The following BAZ2A variants were observed in gnomAD, a reference collection of about 807,000 sequenced individuals.
BAZ2A encodes bromodomain adjacent to zinc finger domain protein 2A.
In BAZ2A, 34 loss-of-function variants were observed where a neutral mutation model predicts 199.9. The ratio of observed to expected loss-of-function variants is 0.17; its 90% CI spans 0.13 to 0.23. The LOEUF (loss-of-function observed/expected upper bound fraction) is 0.23, where lower values mean the gene tolerates loss of function less well. BAZ2A is among the 10% of genes least tolerant of loss of function. The probability of loss-of-function intolerance (pLI) is 1.00; values close to 1 mark genes in which losing one functional copy is unlikely to be tolerated. For missense variants in BAZ2A, 2,002 were observed against 2,391.1 expected, an observed-to-expected ratio of 0.84 and a Z score of 3.39; for synonymous variants, 857 against 883.9, an observed-to-expected ratio of 0.97 and a Z score of 0.54.
rs1162125876 is a variant in BAZ2A, at chr12:56,605,981, T to A, written c.2342A>T (p.Lys781Met). The A allele has an allele frequency of 6.4e-7, 1 of 1,552,664 alleles. No homozygotes were observed. ...KREKKEKVKM[K>M]EKEEVTKAKP... The stretch of plus-strand genomic sequence containing the variant: ...GGCTTTGGTCACCTCCTCCTTTTCC[T>A]TCATTTTTACCTTCTCCTTCTTTTC... The change falls in exon 13 of 29, where the codon AAG becomes ATG. Residue 781 changes from lysine (K) to methionine (M), a missense_variant. Coordinates refer to ENST00000549884, the MANE Select transcript of BAZ2A (RefSeq NM_001300905.2).
Position 56,615,606 on chromosome 12 carries a change from A to C in BAZ2A, c.138T>G (p.Ser46Arg). The change falls in exon 3 of 29, where the codon AGT becomes AGG. Residue 46 changes from serine (S) to arginine (R), a missense_variant and splice_region_variant. Physicochemically the swap from Ser to Arg is moderately radical, Grantham distance 110. Coordinates refer to ENST00000549884, the MANE Select transcript of BAZ2A (RefSeq NM_001300905.2). Reference protein sequence around the residue: ...SPMNFPQQGKSLNGDVNVNGL... With the variant: ...SPMNFPQQGKRLNGDVNVNGL... ...CATTAACATTCACATCCCCATTCAA[A>C]CCTGGCAGAGAAAGAAAGAAAAGGT... is the stretch of plus-strand genomic sequence containing the variant. 6.3e-7 allele frequency: 1 copy of C among 1,584,448 alleles called. No homozygotes were observed. Among genetic ancestry groups the C allele is most frequent in the Non-Finnish European group, 8.6e-7 (1 of 1,163,198 alleles).
chr12:56,617,245 A>G, intron 2 of BAZ2A, 150 bp downstream of exon 2: 3 of 988,954 alleles, frequency 3.0e-6, no homozygotes, highest in East Asian at 6.4e-5. Flanking sequence ...CCTTAAATCA[A>G]TACAAAAAAT....
rs1479798526 is a variant in BAZ2A, at chr12:56,604,648, T to G, written c.2900A>C (p.Gln967Pro). 2 of 1,609,500 alleles carry G rather than the reference T, an allele frequency of 1.2e-6. No individual in the cohort carries two copies. Among genetic ancestry groups the G allele is most frequent in the African/African-American group, 2.7e-5 (2 of 74,874 alleles). Reference protein sequence around the residue: ...RTQPFQAQPPQQKAAVLAFLV... With the variant: ...RTQPFQAQPPPQKAAVLAFLV... ...GAAGGCCAGGACAGCAGCCTTCTGC[T>G]GGGGTGGCTGGGCCTGAAAAGGCTG... Residue 967 changes from glutamine (Q) to proline (P), a missense_variant, in exon 15 of 29, where the codon CAG (glutamine) becomes CCG (proline). By Grantham distance (76) the Gln-to-Pro change is moderately conservative. Around this residue, in one of 6 missense-constraint regions of BAZ2A, gnomAD observed 1,081 missense variants for 1,274.7 expected, o/e 0.85. Transcript: ENST00000549884.
intron 15 of BAZ2A, 143 bp from the exon 16 acceptor site, chr12:56,604,434 G>A: frequency 2.3e-6 from 3 of 1,288,296 alleles, no homozygotes; most frequent in Non-Finnish European, 3.2e-6. Context: ...GCTCTCCCAG[G>A]GAGGGCACTG....
At chr12:56,635,060 A>G (rs1045813818), upstream of BAZ2A, 1 of 983,548 alleles carries the variant, frequency 1.0e-6, no homozygotes. The surrounding 1 kb of genome is among the most constrained non-coding windows in gnomAD (Gnocchi z 4.1). Flanking sequence ...GGAGGGGAGG[A>G]GGTGGTGCTT....
intron 7 of BAZ2A, chr12:56,611,283 T>G: frequency 2.0e-6 from 1 of 504,696 alleles, no homozygotes; most frequent in Non-Finnish European, 3.5e-6. Context: ...CCAGCTGGTT[T>G]GGATGTGAGC....
intron 16 of BAZ2A, among the ~76,000 whole-genome samples, 165 bp from the exon 17 acceptor site, chr12:56,603,865 C>A (rs1289813544): frequency 2.0e-5 from 3 of 152,074 alleles, no homozygotes; most frequent in African/African-American, 7.2e-5. Context: ...ATACAAAAAT[C>A]AGCCAGGTGT....
Position 56,613,219 on chromosome 12 carries a change from C to T in BAZ2A, c.931G>A (p.Gly311Arg). Residue 311 changes from glycine to arginine, a missense_variant, in exon 5 of 29, where the codon GGA becomes AGA. Gly to Arg is a moderately radical substitution (Grantham distance 125). Coordinates refer to ENST00000549884, the MANE Select transcript of BAZ2A (RefSeq NM_001300905.2). Reference protein sequence around the residue: ...NSLAPEPVSGGLYGIDDTELM... With the variant: ...NSLAPEPVSGRLYGIDDTELM... Reference sequence around the variant, plus strand: ...TCCGTGTCATCAATACCATATAGTCCTCCACTCACTGGCTCTGTTTACAAG... The same window carrying T: ...TCCGTGTCATCAATACCATATAGTCTTCCACTCACTGGCTCTGTTTACAAG... 6.2e-7 allele frequency: 1 copy of T among 1,614,010 alleles called. No homozygotes were observed. Among genetic ancestry groups the T allele is most frequent in the Non-Finnish European group, 8.5e-7 (1 of 1,179,892 alleles).
At chr12:56,603,106 A>T (rs924912725) in intron 18 of BAZ2A, among the ~76,000 whole-genome samples, 2 of 152,154 alleles carry the variant, frequency 1.3e-5, no homozygotes, top group African/African-American at 2.4e-5. Flanking sequence ...TAACATATGG[A>T]AACTGTCTCT....
upstream of BAZ2A, chr12:56,630,337 C>T (rs1951272057): frequency 4.2e-6 from 4 of 956,186 alleles, no homozygotes; most frequent in Non-Finnish European, 5.0e-6. Context: ...GAGTCGGAGC[C>T]GGAGGGGGCG....
chr12:56,611,454 A>G (rs926378209), intron 7 of BAZ2A, 119 bp downstream of exon 7: 9 of 992,332 alleles, frequency 9.1e-6, no homozygotes, highest in African/African-American at 3.2e-5. Context: ...CTGTCCTGTA[A>G]TCTACTCTTG....
Position 56,604,672 on chromosome 12 carries a change from T to C in BAZ2A, c.2876A>G (p.Gln959Arg), listed in dbSNP as rs1950287983. The C allele has an allele frequency of 6.2e-7, 1 of 1,612,378 alleles. No individual in the cohort carries two copies. Among genetic ancestry groups the C allele is most frequent in the South Asian group, 1.1e-5 (1 of 90,582 alleles). The change falls in exon 15 of 29, where the codon CAG (glutamine) becomes CGG (arginine). Residue 959 changes from glutamine to arginine, a missense_variant. Around this residue, in one of 6 missense-constraint regions of BAZ2A, gnomAD observed 1,081 missense variants for 1,274.7 expected, o/e 0.85. Transcript: ENST00000549884. ...CTGGGGTGGCTGGGCCTGAAAAGGC[T>C]GGGTGCGCAGGCGGTCACAGAGGGC... ...EPALCDRLRT[Q>R]PFQAQPPQQK... is the part of the protein sequence containing the mutation.
chr12:56,606,595 A>T, intron 11 of BAZ2A, 38 bp downstream of exon 11: 1 of 1,571,450 alleles, frequency 6.4e-7, no homozygotes. Context: ...GTTGTAGGAA[A>T]AATTAACCTA....
upstream of BAZ2A, chr12:56,634,918 G>A (rs572387733): frequency 2.0e-5 from 20 of 985,276 alleles, no homozygotes; most frequent in South Asian, 7.5e-4. Flanking sequence ...AGGGACTCCG[G>A]AGCTGGAGGT....
chr12:56,636,245 A>T, exon 1 of BAZ2A: 1 of 1,567,248 alleles, frequency 6.4e-7, no homozygotes, highest in African/African-American at 1.4e-5. Context: ...TTGGGCCTCC[A>T]CTTCACGTAA....
intron 1 of BAZ2A, among the ~76,000 whole-genome samples, chr12:56,624,725 A>C (rs1476077178): frequency 6.6e-6 from 1 of 152,134 alleles, no homozygotes; most frequent in Non-Finnish European, 1.5e-5. Context: ...CTTGAAGAAA[A>C]TAAGGCCTGA....
At chr12:56,636,352 G>T in exon 1 of BAZ2A, 2 of 1,343,452 alleles carry the variant, frequency 1.5e-6, no homozygotes, top group African/African-American at 1.5e-5. Flanking sequence ...CTGAACTGCT[G>T]TAGGGTGATG....
At position 56,612,341 on chromosome 12, in the gene BAZ2A, A is replaced by G. The variant is rs1278301031; in HGVS notation, c.1136-95T>C. The G allele has an allele frequency of 8.1e-6, 9 of 1,105,304 alleles. No individual in the cohort carries two copies. The African/African-American group carries it at 1.1e-4, about 14-fold the overall frequency. 68.5% of individuals were successfully genotyped at this position (1,105,304 alleles called of 1,614,324 possible). ...CAGTCAACCCTGGACCAAGCTAAACAGGGTTACTTCAAGGGGTCTTCCCTA... is the reference window on the plus strand; with the variant it reads ...CAGTCAACCCTGGACCAAGCTAAACGGGGTTACTTCAAGGGGTCTTCCCTA... On this transcript the variant is annotated intron_variant, in intron 5 of 28. Coordinates refer to ENST00000549884, the MANE Select transcript of BAZ2A (RefSeq NM_001300905.2).
chr12:56,634,303 C>A (rs992078100), upstream of BAZ2A, among the ~76,000 whole-genome samples: 1 of 152,124 alleles, frequency 6.6e-6, no homozygotes, highest in African/African-American at 2.4e-5. Flanking sequence ...TCCGGCAGCG[C>A]CCTGGCCCCC....
Sources: gnomAD v4.1 joint callset for allele counts (sites outside exome capture counted in the v4.1 genomes callset) on GRCh38, gnomAD v4.1.1 for gene constraint, gnomAD v4.1.1 regional missense constraint, Gnocchi (gnomAD v3.1) non-coding constraint, MANE v1.5 for transcripts, NCBI Gene and HGNC (gene_info 2026-07-23, HGNC 2026-07-21) for gene names.